The following FAM90A20 variants were observed in gnomAD, a reference collection of about 807,000 sequenced individuals.
FAM90A20 encodes the protein protein FAM90A20.
chr8:7,295,761 G>T, the FAM90A20 span: 3 of 1,287,748 alleles, frequency 2.3e-6, no homozygotes, highest in South Asian at 2.4e-5. Context: ...CTGAAACCAT[G>T]GAAGCCTGGG....
chr8:7,297,069 G>T, the FAM90A20 span: 1 of 1,505,418 alleles, frequency 6.6e-7, no homozygotes, highest in Non-Finnish European at 8.9e-7. Flanking sequence ...CAGGTTGCAA[G>T]GGGGCCAATG....
the FAM90A20 span, chr8:7,295,917 C>T: frequency 1.7e-6 from 1 of 584,388 alleles, no homozygotes; most frequent in Non-Finnish European, 3.0e-6. Context: ...GTGTGCCTTT[C>T]CGTCTCCGGG....
At chr8:7,295,542 C>G in the FAM90A20 span, 1 of 631,490 alleles carries the variant, frequency 1.6e-6, no homozygotes, top group Non-Finnish European at 2.8e-6. Context: ...TTATTCAGCT[C>G]TGAATTCACA....
chr8:7,295,613 C>A, the FAM90A20 span: 1 of 652,988 alleles, frequency 1.5e-6, no homozygotes, highest in Non-Finnish European at 2.7e-6. Context: ...ACTGACATCA[C>A]TTCCTTTCCA....
chr8:7,297,526 G>A, the FAM90A20 span: 2 of 1,520,648 alleles, frequency 1.3e-6, 1 homozygote, highest in African/African-American at 4.1e-5. Context: ...CTCCGATTCA[G>A]GCTTGCCTGA....
At chr8:7,296,143 C>A in the FAM90A20 span, 1 of 585,138 alleles carries the variant, frequency 1.7e-6, no homozygotes, top group Non-Finnish European at 3.0e-6. Context: ...AAGGTTGGCA[C>A]GTGAGGGAAG....
the FAM90A20 span, chr8:7,297,085 C>A: frequency 6.6e-7 from 1 of 1,510,434 alleles, no homozygotes; most frequent in Non-Finnish European, 8.9e-7. Flanking sequence ...CAATGCCGGT[C>A]CACACAACCT....
At chr8:7,296,190 G>A in the FAM90A20 span, 22 of 650,842 alleles carry the variant, frequency 3.4e-5, 7 homozygotes, top group African/African-American at 5.6e-4. Context: ...TTCCATTTCT[G>A]TATCACAAGA....
chr8:7,296,338 C>A, the FAM90A20 span: 3 of 744,410 alleles, frequency 4.0e-6, no homozygotes, highest in South Asian at 1.4e-5. Context: ...TTCCGGGAAA[C>A]CTCCAGAGAA....
chr8:7,296,993 G>T, the FAM90A20 span: 52 of 1,304,558 alleles, frequency 4.0e-5, 3 homozygotes, highest in East Asian at 1.1e-3. Context: ...CTTGTCTTTG[G>T]ATGTGTTTGA....
chr8:7,296,919 G>T, the FAM90A20 span: 15 of 688,744 alleles, frequency 2.2e-5, 6 homozygotes, highest in African/African-American at 3.9e-4. Context: ...TCAGGTGGAG[G>T]GTCTGTCCCT....
chr8:7,297,868 A>G, the FAM90A20 span: 3 of 796,122 alleles, frequency 3.8e-6, no homozygotes, highest in South Asian at 2.8e-5. Flanking sequence ...CGGCCCCCTC[A>G]TTTCACTCTC....
At chr8:7,297,713 C>T in the FAM90A20 span, 8 of 1,471,452 alleles carry the variant, frequency 5.4e-6, 2 homozygotes, top group Non-Finnish European at 7.3e-6. Context: ...CGTTGAACGG[C>T]AGCCTCCGCA....
At chr8:7,297,675 G>C in the FAM90A20 span, 39 of 1,394,626 alleles carry the variant, frequency 2.8e-5, 3 homozygotes, top group Non-Finnish European at 3.4e-5. Context: ...CCCCAGATGG[G>C]CAGGAGGACA....
At chr8:7,295,934 A>G in the FAM90A20 span, 5 of 561,220 alleles carry the variant, frequency 8.9e-6, no homozygotes, top group Non-Finnish European at 1.5e-5. Context: ...CGGGCCAGGG[A>G]AGGAACGCTG....
the FAM90A20 span, chr8:7,297,739 G>T: frequency 1.1e-5 from 16 of 1,491,938 alleles, no homozygotes; most frequent in Non-Finnish European, 1.4e-5. Context: ...GACCTTGCCT[G>T]CCTACTGCCC....
chr8:7,297,293 A>C, the FAM90A20 span: 58,958 of 1,334,298 alleles, frequency 0.044, 5,517 homozygotes, highest in Middle Eastern at 0.051. Context: ...GGTCCACGAG[A>C]CTCTCCTCGT....
At chr8:7,297,015 G>T in the FAM90A20 span, 5 of 1,428,994 alleles carry the variant, frequency 3.5e-6, 1 homozygote, top group East Asian at 4.9e-5. Context: ...TTTCATGTTG[G>T]CTCCATGCTG....
At chr8:7,297,398 C>G in the FAM90A20 span, 5 of 1,536,738 alleles carry the variant, frequency 3.3e-6, no homozygotes, top group South Asian at 2.2e-5. Flanking sequence ...CGTCAGAACC[C>G]AGGCACAAGA....
Sources: allele counts gnomAD v4.1 joint callset, GRCh38; gene constraint gnomAD v4.1.1; transcripts MANE v1.5; gene names NCBI Gene and HGNC (gene_info 2026-07-23, HGNC 2026-07-21).